The following PIKFYVE variants were observed in gnomAD, a reference collection of about 807,000 sequenced individuals.
The protein encoded by PIKFYVE is phosphoinositide kinase, FYVE-type zinc finger containing.
Under a neutral mutation model 257.9 loss-of-function variants are expected in PIKFYVE, and 122 were observed. That is an observed-to-expected ratio of 0.47 (90% CI 0.41 to 0.55). The LOEUF is 0.55. PIKFYVE is among the 20% of genes least tolerant of loss of function. The pLI is 0.00. For missense variants in PIKFYVE, 2,160 were observed against 2,536.6 expected (o/e 0.85, Z 3.19); for synonymous variants, 892 against 868.9 (o/e 1.03, Z -0.47).
chr2:208,346,539 A>G (rs1180431580), intron 34 of PIKFYVE, among the ~76,000 whole-genome samples: 2 of 152,164 alleles, frequency 1.3e-5, no homozygotes, highest in Non-Finnish European at 2.9e-5. Flanking sequence ...TAATCCCCCT[A>G]GTAACCACAT....
rs1350919419 is a variant in PIKFYVE at position 208,358,563 on chromosome 2, T to G, written c.*3258T>G. 6.6e-6 allele frequency: 1 copy of G among 152,630 alleles called. No individual in the cohort carries two copies. Among genetic ancestry groups the G allele is most frequent in the East Asian group, 1.9e-4 (1 of 5,206 alleles). The allele number at this position is 152,630 out of a possible 1,614,324, so 9.5% of individuals were successfully genotyped here. A position where few individuals can be genotyped will look rare whatever the true frequency, so the allele number is the denominator to read the frequency against. On this transcript the variant is annotated 3_prime_UTR_variant, in exon 42 of 42. Transcript: ENST00000264380. ...AATGACATTGTAAATCATAGTAGCC[T>G]CTTTTAATTTAATATGAAAAATGCC... is the stretch of plus-strand genomic sequence containing the variant.
intron 32 of PIKFYVE, among the ~76,000 whole-genome samples, chr2:208,344,138 G>T (rs1699005500): frequency 1.3e-5 from 2 of 152,094 alleles, no homozygotes; most frequent in South Asian, 4.1e-4. Context: ...AGAACATCTT[G>T]GTGGTAGCTG....
chr2:208,278,488 A>G (rs1690393845), intron 5 of PIKFYVE, among the ~76,000 whole-genome samples: 1 of 151,930 alleles, frequency 6.6e-6, no homozygotes, highest in South Asian at 2.1e-4. Flanking sequence ...GATTTTGCAT[A>G]TGACTGATCC....
chr2:208,269,435 C>A, intron 1 of PIKFYVE: 1 of 243,706 alleles, frequency 4.1e-6, no homozygotes, highest in South Asian at 5.9e-5. Flanking sequence ...GCCATCTTCC[C>A]TCCCAGGGTG....
chr2:208,289,561 C>G (rs1050688370), intron 7 of PIKFYVE, among the ~76,000 whole-genome samples: 1 of 152,140 alleles, frequency 6.6e-6, no homozygotes, highest in South Asian at 2.1e-4. Context: ...TCCTGAGTAG[C>G]TGGGACTACA....
chr2:208,344,430 C>T (rs986689066), intron 32 of PIKFYVE, among the ~76,000 whole-genome samples: 1 of 151,964 alleles, frequency 6.6e-6, no homozygotes, highest in African/African-American at 2.4e-5. Context: ...TTAGCCTTTG[C>T]CTTTGGCCTT....
In PIKFYVE at chr2:208,300,990, A is replaced by G; in HGVS notation, c.1104A>G (p.Gly368=). 1 of 1,614,166 alleles carries G rather than the reference A, an allele frequency of 6.2e-7. No homozygotes were observed. The highest frequency in any genetic ancestry group is 8.5e-7 in the Non-Finnish European group (1 of 1,180,006). The change falls in exon 9 of 42, where the codon GGA becomes GGG. Residue 368 remains glycine (G), a synonymous_variant. Coordinates refer to ENST00000264380, the MANE Select transcript of PIKFYVE (RefSeq NM_015040.4). ...LWKKICHHSS[G]MEFQDHRYWL... Reference sequence around the variant, plus strand: ...AAAAAATCTGCCATCACAGCAGTGGAATGGAGTTTCAGGATCACCGCTACT... The same window carrying G: ...AAAAAATCTGCCATCACAGCAGTGGGATGGAGTTTCAGGATCACCGCTACT...
At chr2:208,267,749 CACCCGCCTCGGCCTCCCAAGGTGCTGGG>C (rs1688845650) in intron 1 of PIKFYVE, among the ~76,000 whole-genome samples, 1 of 152,192 alleles carries the variant, frequency 6.6e-6, no homozygotes. Flanking sequence ...TCAGGCGATT[CACCCGCCTCGGCCTCCCAAGGTGCTGGG>C]ATTACAGGCG....
chr2:208,300,832 C>G (rs1383675445), intron 8 of PIKFYVE, 105 bp from the exon 9 acceptor site: 2 of 1,426,510 alleles, frequency 1.4e-6, no homozygotes, highest in African/African-American at 1.4e-5. Flanking sequence ...ATAAAGAAAT[C>G]CAAGTTAGGT....
At chr2:208,352,490 G>A (rs1030939538) in intron 38 of PIKFYVE, among the ~76,000 whole-genome samples, 164 bp from the exon 39 acceptor site, 1 of 152,106 alleles carries the variant, frequency 6.6e-6, no homozygotes, top group Non-Finnish European at 1.5e-5. Flanking sequence ...TGGCATTGCT[G>A]CTGTACTCAC....
At chr2:208,353,541 C>CTA (rs1699956393) in intron 39 of PIKFYVE, among the ~76,000 whole-genome samples, 1 of 139,756 alleles carries the variant, frequency 7.2e-6, no homozygotes, top group Non-Finnish European at 1.5e-5. Context: ...ATTTGCATCT[C>CTA]TCTCTTTTTT....
intron 32 of PIKFYVE, 34 bp from the exon 33 acceptor site, chr2:208,345,077 T>A (rs925215610): frequency 7.3e-7 from 1 of 1,377,100 alleles, no homozygotes; most frequent in Non-Finnish European, 1.0e-6. Context: ...AAGAAGTTAA[T>A]GTTTAACGTT....
intron 17 of PIKFYVE, among the ~76,000 whole-genome samples, chr2:208,322,113 T>G (rs1348258053): frequency 6.6e-6 from 1 of 152,146 alleles, no homozygotes; most frequent in African/African-American, 2.4e-5. Context: ...ATGGGCATAG[T>G]GGCTGACACT....
intron 24 of PIKFYVE, among the ~76,000 whole-genome samples, chr2:208,334,916 C>T (rs1697964801): frequency 6.6e-6 from 1 of 151,884 alleles, no homozygotes; most frequent in African/African-American, 2.4e-5. Context: ...CGATATAAAC[C>T]CTCAGGTGGA....
intron 17 of PIKFYVE, among the ~76,000 whole-genome samples, chr2:208,323,117 A>G (rs889102986): frequency 2.1e-5 from 3 of 145,678 alleles, no homozygotes; most frequent in African/African-American, 7.6e-5. Context: ...TATTATTATT[A>G]GTAGTAGTAT....
At chr2:208,285,267 T>C (rs1691414205) in intron 5 of PIKFYVE, among the ~76,000 whole-genome samples, 1 of 152,166 alleles carries the variant, frequency 6.6e-6, no homozygotes, top group South Asian at 2.1e-4. Context: ...GGCTAATTTT[T>C]GTATTTTTAG....
intron 6 of PIKFYVE, among the ~76,000 whole-genome samples, chr2:208,286,627 C>T (rs1559058655): frequency 6.6e-6 from 1 of 151,906 alleles, no homozygotes; most frequent in Non-Finnish European, 1.5e-5. Context: ...GCCTCGAATC[C>T]CCTCTGCCTT....
intron 7 of PIKFYVE, among the ~76,000 whole-genome samples, chr2:208,297,839 T>A (rs1693175054): frequency 6.7e-6 from 1 of 149,820 alleles, no homozygotes; most frequent in African/African-American, 2.4e-5. Flanking sequence ...GTTTCCTTGA[T>A]GCTATTGGTA....
chr2:208,349,220 T>C (rs1051270521), intron 35 of PIKFYVE, among the ~76,000 whole-genome samples: 1 of 152,160 alleles, frequency 6.6e-6, no homozygotes, highest in Non-Finnish European at 1.5e-5. Context: ...GATATCTGTT[T>C]AGTATTCTAT....
Sources: gnomAD v4.1 joint callset for allele counts (sites outside exome capture counted in the v4.1 genomes callset) on GRCh38, gnomAD v4.1.1 for gene constraint, MANE v1.5 for transcripts, NCBI Gene and HGNC (gene_info 2026-07-23, HGNC 2026-07-21) for gene names.